Variants in FHIT observed in about 807,000 individuals in gnomAD.
FHIT encodes the protein bis(5'-adenosyl)-triphosphatase.
Under a neutral mutation model 17.9 loss-of-function variants are expected in FHIT, and 19 were observed. That is an observed-to-expected ratio of 1.06 (90% CI 0.74 to 1.56). The LOEUF (loss-of-function observed/expected upper bound fraction) is 1.56. FHIT is among the 40% of genes most tolerant of loss of function. FHIT has a pLI of 0.00. For synonymous variants in FHIT, 81 were observed against 69.7 expected (o/e 1.16, Z -0.81); for missense variants, 248 against 189.2 (o/e 1.31, Z -1.82).
rs191684048 is a variant in FHIT at position 61,213,514 on chromosome 3, G to T, written c.-212-12849C>A. Among the ~76,000 whole-genome samples the T allele has an allele frequency of 6.0e-4, 92 of 152,220 alleles. 1 individual carries two copies. Among genetic ancestry groups the T allele is most frequent in the Non-Finnish European group, 1.0e-3 (69 of 67,994 alleles). On this transcript the variant is annotated intron_variant, in intron 1 of 9. Transcript: ENST00000492590. ...CACCCAGATTCATAAAGCAAGTCCT[G>T]AGTGACCTACAAAGAGACTTAGACT...
chr3:61,014,586 T>C (rs944698190), intron 3 of FHIT, among the ~76,000 whole-genome samples: 9 of 151,432 alleles, frequency 5.9e-5, no homozygotes, highest in Non-Finnish European at 8.8e-5. Context: ...GAGACCATCC[T>C]GGCTAACATG....
intron 4 of FHIT, among the ~76,000 whole-genome samples, chr3:60,660,269 G>A (rs2040209387): frequency 6.6e-6 from 1 of 152,150 alleles, no homozygotes; most frequent in Admixed American, 6.6e-5. Flanking sequence ...CTGCACCTTT[G>A]TAATCAGAAG....
chr3:60,477,444 T>A (rs72880379), intron 5 of FHIT, among the ~76,000 whole-genome samples: 5,561 of 152,252 alleles, frequency 0.037, 324 homozygotes, highest in African/African-American at 0.12. Context: ...TTCTATTAAG[T>A]CTTCTCTGAC....
chr3:60,030,156 C>T (rs1250678899), intron 5 of FHIT, among the ~76,000 whole-genome samples: 1 of 152,070 alleles, frequency 6.6e-6, no homozygotes. Flanking sequence ...GTTTCCCCAC[C>T]AAATGTTCTC....
intron 5 of FHIT, among the ~76,000 whole-genome samples, chr3:60,099,132 T>C (rs1704087363): frequency 6.6e-6 from 1 of 152,146 alleles, no homozygotes; most frequent in Non-Finnish European, 1.5e-5. Flanking sequence ...AGAGTAATCA[T>C]GCGCTGTTGC....
intron 5 of FHIT, among the ~76,000 whole-genome samples, chr3:60,179,004 C>A (rs1340561169): frequency 1.3e-5 from 2 of 152,028 alleles, no homozygotes; most frequent in Non-Finnish European, 2.9e-5. Context: ...TACTGAGGGG[C>A]CCCTTAATTA....
At chr3:61,115,660 G>A (rs998518416) in intron 2 of FHIT, among the ~76,000 whole-genome samples, 3 of 152,160 alleles carry the variant, frequency 2.0e-5, no homozygotes, top group African/African-American at 7.2e-5. Flanking sequence ...AAGGATGGAA[G>A]TGCCATTTAT....
chr3:59,848,238 A>G (rs1485610749), intron 8 of FHIT, among the ~76,000 whole-genome samples: 1 of 152,202 alleles, frequency 6.6e-6, no homozygotes, highest in Non-Finnish European at 1.5e-5. Context: ...ATTGAAATTA[A>G]TCACAATTTG....
chr3:61,057,678 T>C (rs540494452), intron 2 of FHIT, among the ~76,000 whole-genome samples: 10 of 152,300 alleles, frequency 6.6e-5, no homozygotes, highest in Non-Finnish European at 1.3e-4. Context: ...GTGGAAAGTA[T>C]GTGGCGGGGG....
intron 5 of FHIT, among the ~76,000 whole-genome samples, chr3:60,458,704 T>C (rs2032268912): frequency 6.6e-6 from 1 of 152,132 alleles, no homozygotes; most frequent in African/African-American, 2.4e-5. Context: ...CAACTCTAGA[T>C]GTCAAAAGCT....
chr3:60,092,109 C>T (rs1443328103), intron 5 of FHIT, among the ~76,000 whole-genome samples: 1 of 152,170 alleles, frequency 6.6e-6, no homozygotes, highest in African/African-American at 2.4e-5. Context: ...GATACATCTG[C>T]AATCAAGTAA....
At chr3:60,731,071 C>CA (rs1352455802) in intron 4 of FHIT, among the ~76,000 whole-genome samples, 1 of 152,060 alleles carries the variant, frequency 6.6e-6, no homozygotes, top group Non-Finnish European at 1.5e-5. Context: ...GCGAAGGTTG[C>CA]AGTGAGCCAG....
At chr3:60,468,045 C>T (rs777756655) in intron 5 of FHIT, among the ~76,000 whole-genome samples, 6 of 152,012 alleles carry the variant, frequency 3.9e-5, no homozygotes, top group Non-Finnish European at 7.4e-5. Context: ...ATATAATGAC[C>T]TTCTTTGTCT....
intron 2 of FHIT, among the ~76,000 whole-genome samples, chr3:61,047,399 A>C (rs955306098): frequency 6.6e-6 from 1 of 152,218 alleles, no homozygotes; most frequent in African/African-American, 2.4e-5. Flanking sequence ...AAAGAGAATA[A>C]AATGCCTAGG....
At chr3:61,127,518 A>C (rs2036642024) in intron 2 of FHIT, among the ~76,000 whole-genome samples, 2 of 152,200 alleles carry the variant, frequency 1.3e-5, no homozygotes, top group African/African-American at 4.8e-5. Flanking sequence ...AGCAGAAAAC[A>C]AACCCCCCCT....
At chr3:60,936,692 T>C (rs553066350) in intron 3 of FHIT, among the ~76,000 whole-genome samples, 69 of 152,310 alleles carry the variant, frequency 4.5e-4, no homozygotes, top group African/African-American at 1.6e-3. Context: ...TGACTGACAA[T>C]TTTCTAAAAT....
chr3:60,685,651 A>G (rs1279388846), intron 4 of FHIT, among the ~76,000 whole-genome samples: 3 of 152,164 alleles, frequency 2.0e-5, no homozygotes, highest in South Asian at 4.1e-4. Flanking sequence ...ATTTAAACAC[A>G]TATTACCAGG....
chr3:60,066,543 G>A (rs376487000), intron 5 of FHIT, among the ~76,000 whole-genome samples: 2 of 146,316 alleles, frequency 1.4e-5, no homozygotes, highest in South Asian at 2.3e-4. Flanking sequence ...CTCTCAAAAC[G>A]CCAACATAAC....
chr3:60,553,491 A>G (rs889208115), intron 4 of FHIT: 4 of 174,810 alleles, frequency 2.3e-5, no homozygotes, highest in African/African-American at 1.2e-4. Flanking sequence ...AAAATTATAT[A>G]TATTTAAAAA....
Sources: gnomAD v4.1 joint callset for allele counts (sites outside exome capture counted in the v4.1 genomes callset) on GRCh38, gnomAD v4.1.1 for gene constraint, MANE v1.5 for transcripts, NCBI Gene and HGNC (gene_info 2026-07-23, HGNC 2026-07-21) for gene names.